LMF1: variants seen among roughly 807,000 people sequenced by gnomAD.
LMF1 encodes lipase maturation factor 1, also known as transmembrane protein 112.
LMF1 carries 68 observed loss-of-function variants against 60.6 expected under a neutral mutation model. The observed-to-expected ratio is 1.12, with a 90% CI of 0.92 to 1.37. The LOEUF (loss-of-function observed/expected upper bound fraction) is 1.37. Ranked by LOEUF, LMF1 falls within the 40% of genes most tolerant of loss-of-function variation. LMF1 has a pLI of 0.00. For missense variants in LMF1, 948 were observed against 767.2 expected, an observed-to-expected ratio of 1.24 and a Z score of -2.78; for synonymous variants, 418 against 324.7, an observed-to-expected ratio of 1.29 and a Z score of -3.09.
intron 3 of LMF1, 111 bp downstream of exon 3, chr16:934,133 C>T: frequency 3.8e-6 from 6 of 1,581,370 alleles, no homozygotes; most frequent in Non-Finnish European, 5.1e-6. Context: ...ACTGGGAAGG[C>T]TGATGGCAGA....
chr16:927,687 C>T lies in LMF1; in HGVS notation c.514+6557G>A, dbSNP rs145823595. On this transcript the variant is annotated intron_variant, in intron 3 of 10. Coordinates refer to ENST00000262301, the MANE Select transcript of LMF1 (RefSeq NM_022773.4). The stretch of plus-strand genomic sequence containing the variant: ...TGGTGCAGCCCAGGCGGAGCTCACC[C>T]GGCGATCGCTTCCCGCAGGCAGGCT... 1.1e-4 allele frequency among the ~76,000 whole-genome samples: 17 copies of T among 152,330 alleles called. No homozygotes were observed. In the East Asian group the frequency reaches 2.7e-3, roughly 24 times the overall value.
chr16:981,339 AGAGAGAGAGTGTGTGT>A (rs1352121294), upstream of LMF1: 417 of 306,488 alleles, frequency 1.4e-3, 2 homozygotes, highest in African/African-American at 2.6e-3. Context: ...AGAGAGAGAG[AGAGAGAGAGTGTGTGT>A]GTGTGTGTGT....
intron 4 of LMF1, among the ~76,000 whole-genome samples, chr16:895,242 C>T (rs1446917242): frequency 6.6e-6 from 1 of 152,098 alleles, no homozygotes; most frequent in Non-Finnish European, 1.5e-5. Context: ...TCCAGGGAGC[C>T]CCAGCTCCAG....
intron 1 of LMF1, chr16:969,016 G>C (rs1358877532): frequency 6.6e-6 from 1 of 152,150 alleles, no homozygotes; most frequent in Admixed American, 6.5e-5. Context: ...AAAGCAACCT[G>C]GGAAGAACTA....
chr16:968,951 G>A (rs2072982771), intron 1 of LMF1: 1 of 152,156 alleles, frequency 6.6e-6, no homozygotes, highest in Non-Finnish European at 1.5e-5. Context: ...CTACTTCATC[G>A]TTTGCTAAGT....
rs1422817981 is a variant in LMF1, at chr16:874,634, G to A, written c.898-3293C>T. 6.6e-6 allele frequency among the ~76,000 whole-genome samples: 1 copy of A among 152,170 alleles called. No individual in the cohort carries two copies. Among genetic ancestry groups the A allele is most frequent in the African/African-American group, 2.4e-5 (1 of 41,446 alleles). On this transcript the variant is annotated intron_variant, in intron 6 of 10. Transcript: ENST00000262301. The surrounding 1 kb of genome is among the most constrained non-coding windows in gnomAD (Gnocchi z 4.1). Reference sequence around the variant, plus strand: ...GCGTGGGAGGAGGGAGGCTGCTCATGCCGCAACTCCCCAACGGAAGGATCA... The same window carrying A: ...GCGTGGGAGGAGGGAGGCTGCTCATACCGCAACTCCCCAACGGAAGGATCA...
At chr16:975,780 T>C, upstream of LMF1, 1 of 452,804 alleles carries the variant, frequency 2.2e-6, no homozygotes, top group Non-Finnish European at 4.4e-6. Flanking sequence ...ACAGGGTGTG[T>C]TTTCATTTGC....
chr16:970,405 G>A (rs926519461), intron 1 of LMF1, among the ~76,000 whole-genome samples: 2 of 152,042 alleles, frequency 1.3e-5, no homozygotes, highest in East Asian at 3.9e-4. Context: ...GCAGACCCCC[G>A]ACCTGCGCAC....
chr16:930,978 G>T (rs1244387683), intron 3 of LMF1, among the ~76,000 whole-genome samples: 1 of 151,914 alleles, frequency 6.6e-6, no homozygotes, highest in Non-Finnish European at 1.5e-5. Context: ...AAAATTAGCC[G>T]GGCGTGGTGG....
Position 976,557 on chromosome 16 carries a change from T to C in LMF1, c.-135+4588A>G, listed in dbSNP as rs1302843983. 6.6e-6 allele frequency: 3 copies of C among 454,124 alleles called. No individual in the cohort carries two copies. The Admixed American group carries it at 7.0e-5, about 11-fold the overall frequency. 28.1% of individuals were successfully genotyped at this position (454,124 alleles called of 1,614,324 possible). A position where few individuals can be genotyped will look rare whatever the true frequency, so the allele number is the denominator to read the frequency against. On this transcript the variant is annotated intron_variant, in intron 1 of 6. Coordinates refer to the LMF1 transcript ENST00000570014. ...TGGCTGCTTGGGGCCCCAGGGCTCC[T>C]GCCTAGGGATGTTTTGGGGCTGCAG...
intron 4 of LMF1, chr16:900,110 A>C (rs551198559): frequency 1.3e-5 from 2 of 152,234 alleles, no homozygotes. Context: ...GGTTTTGTCC[A>C]TCTCATCTAA....
At position 906,405 on chromosome 16, in the gene LMF1, C is replaced by T. The variant is rs577871924; in HGVS notation, c.663+4526G>A. 5.3e-5 allele frequency among the ~76,000 whole-genome samples: 8 copies of T among 152,144 alleles called. No individual in the cohort carries two copies. The East Asian group carries it at 5.8e-4, about 11-fold the overall frequency. On this transcript the variant is annotated intron_variant, in intron 4 of 10. Transcript: ENST00000262301. ...ATCTGGTGGGCACCATCTCATCAGC[C>T]GCCAGAGAATATAAAGCAGGCAGAA... is the stretch of plus-strand genomic sequence containing the variant.
intron 3 of LMF1, among the ~76,000 whole-genome samples, chr16:912,545 A>G (rs1211714385): frequency 3.3e-5 from 5 of 152,244 alleles, no homozygotes; most frequent in Non-Finnish European, 5.9e-5. Context: ...GAGTGGAGGC[A>G]GCGCGACCCT....
chr16:980,697 C>CG (rs113455135), intron 1 of LMF1: 83,422 of 151,988 alleles, frequency 0.55, 25,024 homozygotes, highest in African/African-American at 0.81. Context: ...GGCCACCTCG[C>CG]GGGGCGGCCT....
upstream of LMF1, chr16:970,997 C>G (rs1567343078): frequency 6.9e-7 from 1 of 1,447,046 alleles, no homozygotes; most frequent in Non-Finnish European, 9.1e-7. Context: ...GGAGGGCGCA[C>G]TCCCGGAGGC....
intron 4 of LMF1, chr16:893,497 C>T (rs375189075): frequency 3.5e-5 from 15 of 428,012 alleles, no homozygotes; most frequent in Middle Eastern, 3.5e-4. Flanking sequence ...CCAGTGCACA[C>T]GCGTCTCAGC....
At chr16:958,076 C>T (rs1175346851) in intron 1 of LMF1, among the ~76,000 whole-genome samples, 1 of 152,194 alleles carries the variant, frequency 6.6e-6, no homozygotes. Flanking sequence ...ACACTTCACA[C>T]CTTACACAAA....
intron 10 of LMF1, among the ~76,000 whole-genome samples, chr16:866,049 C>T (rs1206423176): frequency 2.0e-5 from 3 of 152,208 alleles, no homozygotes; most frequent in Admixed American, 6.5e-5. Context: ...CATGCGTTTT[C>T]GACGGCTGCA....
In LMF1 at chr16:878,372, G is replaced by C. The variant is rs1176733886; in HGVS notation, c.897+1198C>G. 6.6e-6 allele frequency among the ~76,000 whole-genome samples: 1 copy of C among 152,134 alleles called. No individual in the cohort carries two copies. The highest frequency in any genetic ancestry group is 1.5e-5 in the Non-Finnish European group (1 of 68,034). The stretch of plus-strand genomic sequence containing the variant: ...CCGAGGGAGTCAGGAGCTGCTCAGG[G>C]CCCCGGCGGCCAGAGTGAGGGTCCT... On this transcript the variant is annotated intron_variant, in intron 6 of 10. Coordinates refer to ENST00000262301, the MANE Select transcript of LMF1 (RefSeq NM_022773.4). This position sits in a 1 kb window ranked among gnomAD's most constrained non-coding sequence, Gnocchi z 5.2.
Sources: gnomAD v4.1 joint callset for allele counts (sites outside exome capture counted in the v4.1 genomes callset) on GRCh38, gnomAD v4.1.1 for gene constraint, Gnocchi (gnomAD v3.1) non-coding constraint, MANE v1.5 for transcripts, NCBI Gene and HGNC (gene_info 2026-07-23, HGNC 2026-07-21) for gene names.